CYLC2: variants seen among roughly 807,000 people sequenced by gnomAD.
The protein encoded by CYLC2 is cylicin 2.
A neutral mutation model predicts 26.1 loss-of-function variants in CYLC2; 30 were observed. That is an observed-to-expected ratio of 1.15 (90% CI 0.86 to 1.56). The LOEUF is 1.56. CYLC2 is among the 40% of genes most tolerant of loss of function. CYLC2 has a pLI of 0.00. For synonymous variants in CYLC2, 158 were observed against 132.8 expected, an observed-to-expected ratio of 1.19 and a Z score of -1.31; for missense variants, 498 against 394.4, an observed-to-expected ratio of 1.26 and a Z score of -2.23.
chr9:103,013,755 TATA>T (rs1229298791), intron 6 of CYLC2, among the ~76,000 whole-genome samples: 1 of 111,396 alleles, frequency 9.0e-6, no homozygotes, highest in Non-Finnish European at 1.6e-5. Flanking sequence ...TTATATTATA[TATA>T]ATTATATTTT....
chr9:103,005,752 C>A lies in CYLC2; in HGVS notation c.*74C>A. 6.8e-7 allele frequency: 1 copy of A among 1,472,604 alleles called. No individual in the cohort carries two copies. The highest frequency in any genetic ancestry group is 9.1e-7 in the Non-Finnish European group (1 of 1,097,546). 91.2% of individuals were successfully genotyped at this position (1,472,604 alleles called of 1,614,324 possible). ...ATGAAACAATAGTGGTAGTCTGCAG[C>A]TGAATTTGTGAGAAAACAAGAGGCC... is the stretch of plus-strand genomic sequence containing the variant. On this transcript the variant is annotated 3_prime_UTR_variant, in exon 5 of 8. Transcript: ENST00000374798.
chr9:103,009,995 G>A (rs10990432), intron 5 of CYLC2, among the ~76,000 whole-genome samples: 4,561 of 143,222 alleles, frequency 0.032, 84 homozygotes, highest in Non-Finnish European at 0.039. Flanking sequence ...ACATGTATGT[G>A]TATATATATA....
intron 1 of CYLC2, among the ~76,000 whole-genome samples, chr9:103,000,262 A>G (rs1403683311): frequency 6.6e-6 from 1 of 151,922 alleles, no homozygotes; most frequent in African/African-American, 2.4e-5. Flanking sequence ...AGATAATTTT[A>G]TTATTGATTT....
At chr9:103,000,522 C>T (rs1829278089) in intron 1 of CYLC2, among the ~76,000 whole-genome samples, 1 of 151,906 alleles carries the variant, frequency 6.6e-6, no homozygotes, top group East Asian at 1.9e-4. Context: ...TATGATGGGG[C>T]AAGTAATTTT....
intron 6 of CYLC2, among the ~76,000 whole-genome samples, chr9:103,016,484 T>G (rs975221558): frequency 1.3e-5 from 2 of 152,058 alleles, no homozygotes; most frequent in South Asian, 4.1e-4. Context: ...TGCATATGTG[T>G]GTCCACAAGC....
chr9:102,995,360 G>A lies in CYLC2; in HGVS notation c.-21G>A. 3 of 1,599,778 alleles carry A rather than the reference G, an allele frequency of 1.9e-6. No individual in the cohort carries two copies. Among genetic ancestry groups the A allele is most frequent in the South Asian group, 2.2e-5 (2 of 90,618 alleles). The stretch of plus-strand genomic sequence containing the variant: ...TTTGAACTTACAATACTTAAGTCCT[G>A]GCAAGTCATAAGTGGGGAAAATGTC... On this transcript the variant is annotated 5_prime_UTR_variant, in exon 1 of 8. Coordinates refer to ENST00000374798, the MANE Select transcript of CYLC2 (RefSeq NM_001340.5).
rs532036391 is a variant in CYLC2 at position 103,005,579 on chromosome 9, G to C, written c.948G>C (p.Lys316Asn). 28 of 1,609,224 alleles carry C rather than the reference G, an allele frequency of 1.7e-5. No individual in the cohort carries two copies. The African/African-American group carries it at 3.5e-4, about 20-fold the overall frequency. ...KDTEKESADS[K>N]KDAKKNAKKD... ...CTGAGAAAGAATCTGCTGATTCAAA[G>C]AAGGATGCAAAGAAAAATGCTAAGA... The change falls in exon 5 of 8, where the codon AAG (lysine) becomes AAC (asparagine). Residue 316 changes from lysine (K) to asparagine (N), a missense_variant. Lys to Asn is a moderately conservative substitution (Grantham distance 94). Coordinates refer to ENST00000374798, the MANE Select transcript of CYLC2 (RefSeq NM_001340.5).
intron 5 of CYLC2, among the ~76,000 whole-genome samples, chr9:103,010,089 A>G (rs560918682): frequency 6.6e-6 from 1 of 152,000 alleles, no homozygotes; most frequent in South Asian, 2.1e-4. Context: ...CAATAATTTT[A>G]TTATCACTAA....
Position 103,003,186 on chromosome 9 carries a change from CT to C in CYLC2, c.104del (p.Leu35ArgfsTer27). The part of the protein sequence containing the change: ...KKSWNQQHFA[L>X]LFPKPQRPGT... ...ATCATGGAATCAGCAACACTTTGCC[CT>C]GTTATTTCCCAAACCACAACGGCCA... On this transcript the variant is annotated frameshift_variant, in exon 3 of 8. Transcript: ENST00000374798. LOFTEE classifies it high-confidence loss of function. 1 of 1,613,724 alleles carries C rather than the reference CT, an allele frequency of 6.2e-7. No individual in the cohort carries two copies. The highest frequency in any genetic ancestry group is 8.5e-7 in the Non-Finnish European group (1 of 1,179,746).
intron 6 of CYLC2, among the ~76,000 whole-genome samples, chr9:103,012,631 T>A (rs1829419481): frequency 6.6e-6 from 1 of 152,090 alleles, no homozygotes; most frequent in Non-Finnish European, 1.5e-5. Context: ...AAAAGTATTG[T>A]GGAAAGTATC....
At chr9:103,006,549 A>G (rs568216050) in intron 5 of CYLC2, among the ~76,000 whole-genome samples, 171 bp downstream of exon 5, 5 of 151,278 alleles carry the variant, frequency 3.3e-5, no homozygotes, top group African/African-American at 1.2e-4. Flanking sequence ...AAGTAGCTGG[A>G]CTACAGGCGC....
At chr9:103,012,497 T>A (rs983106158) in intron 6 of CYLC2, among the ~76,000 whole-genome samples, 5 of 152,050 alleles carry the variant, frequency 3.3e-5, no homozygotes, top group Non-Finnish European at 5.9e-5. Context: ...GTATATAGTT[T>A]ATGACAGTTT....
At chr9:103,009,363 A>C (rs1829382259) in intron 5 of CYLC2, among the ~76,000 whole-genome samples, 2 of 151,698 alleles carry the variant, frequency 1.3e-5, no homozygotes. Context: ...TCTTCACCAC[A>C]TCCAGATAAT....
In CYLC2 at chr9:103,003,189, T is replaced by C. The variant is rs747648863; in HGVS notation, c.106T>C (p.Leu36=). 1.9e-6 allele frequency: 3 copies of C among 1,613,798 alleles called. No individual in the cohort carries two copies. The highest frequency in any genetic ancestry group is 2.5e-6 in the Non-Finnish European group (3 of 1,179,886). ...ATGGAATCAGCAACACTTTGCCCTG[T>C]TATTTCCCAAACCACAACGGCCAGG... is the stretch of plus-strand genomic sequence containing the variant. ...KSWNQQHFAL[L]FPKPQRPGTK... is the part of the protein sequence containing the mutation. Residue 36 remains leucine, a synonymous_variant, in exon 3 of 8, where the codon TTA becomes CTA. Transcript: ENST00000374798.
intron 5 of CYLC2, among the ~76,000 whole-genome samples, chr9:103,011,350 T>C (rs941746447): frequency 3.9e-5 from 6 of 152,118 alleles, no homozygotes; most frequent in African/African-American, 1.4e-4. Flanking sequence ...CTAGGGGACA[T>C]GAAATACTTA....
chr9:103,007,853 A>G (rs557449459), intron 5 of CYLC2, among the ~76,000 whole-genome samples: 4 of 152,146 alleles, frequency 2.6e-5, no homozygotes, highest in African/African-American at 9.6e-5. Flanking sequence ...AACAGTAAGG[A>G]ATAATTGTTT....
At chr9:103,014,497 C>T (rs900234208) in intron 6 of CYLC2, among the ~76,000 whole-genome samples, 4 of 137,032 alleles carry the variant, frequency 2.9e-5, no homozygotes, top group Non-Finnish European at 4.7e-5. Context: ...ATGCAATATA[C>T]ATAATATATG....
chr9:103,005,720 A>T lies in CYLC2; in HGVS notation c.*42A>T, dbSNP rs201540530. On this transcript the variant is annotated 3_prime_UTR_variant, in exon 5 of 8. Transcript: ENST00000374798. The stretch of plus-strand genomic sequence containing the variant: ...TGAACCGAAAGAATAATTCAAAAGC[A>T]TATTTGATGAAACAATAGTGGTAGT... 6.4e-7 allele frequency: 1 copy of T among 1,556,404 alleles called. No homozygotes were observed. The highest frequency in any genetic ancestry group is 2.2e-5 in the East Asian group (1 of 44,464).
intron 6 of CYLC2, among the ~76,000 whole-genome samples, chr9:103,015,824 A>G (rs1829498893): frequency 6.6e-6 from 1 of 150,474 alleles, no homozygotes; most frequent in African/African-American, 2.4e-5. Context: ...TGTCCCCAAA[A>G]TACCAATATC....
Sources: gnomAD v4.1 joint callset for allele counts (sites outside exome capture counted in the v4.1 genomes callset) on GRCh38, gnomAD v4.1.1 for gene constraint, MANE v1.5 for transcripts, NCBI Gene and HGNC (gene_info 2026-07-23, HGNC 2026-07-21) for gene names.